LINGO3: variants seen among roughly 807,000 people sequenced by gnomAD.
The protein encoded by LINGO3 is leucine-rich repeat and immunoglobulin-like domain-containing nogo receptor-interacting protein 3.
For missense variants in LINGO3, 750 were observed against 867.7 expected (o/e 0.86, Z 1.70); for synonymous variants, 427 against 444.2 (o/e 0.96, Z 0.49).
chr19:2,290,551 A>C lies in LINGO3; in HGVS notation c.1226T>G (p.Ile409Ser), dbSNP rs1204545909. ...GACGCGCTGCAGCCGCCGCTCCCGG[A>C]TCTTGGGTTTGCGGCACACGAAGTA... Residue 409 changes from isoleucine (I) to serine (S), a missense_variant, in exon 1 of 1, where the codon ATC becomes AGC. Physicochemically the swap from Ile to Ser is moderately radical, Grantham distance 142. Coordinates refer to ENST00000585527, the Ensembl canonical transcript of LINGO3. The surrounding 1 kb of genome is among the most constrained non-coding windows in gnomAD (Gnocchi z 6.0). The C allele has an allele frequency of 1.3e-6, 2 of 1,540,812 alleles. No homozygotes were observed. Among genetic ancestry groups the C allele is most frequent in the African/African-American group, 1.4e-5 (1 of 72,362 alleles).
Position 2,290,240 on chromosome 19 carries a change from C to G in LINGO3, c.1537G>C (p.Glu513Gln), listed in dbSNP as rs778666351. The G allele has an allele frequency of 1.9e-6, 3 of 1,604,464 alleles. No individual in the cohort carries two copies. Among genetic ancestry groups the G allele is most frequent in the South Asian group, 1.1e-5 (1 of 90,712 alleles). The change falls in exon 1 of 1, where the codon GAG becomes CAG. Residue 513 changes from glutamate to glutamine, a missense_variant. Physicochemically the swap from Glu to Gln is conservative, Grantham distance 29 (BLOSUM62 2). Coordinates refer to ENST00000585527, the Ensembl canonical transcript of LINGO3. The surrounding 1 kb of genome is among the most constrained non-coding windows in gnomAD (Gnocchi z 6.0). ...GGCGCGCGCAGGGCCGCCAGCGTCT[C>G]GTTGTGGGCCTCGCCCGGGGTCCGG...
chr19:2,299,458 C>T, the LINGO3 span, among the ~76,000 whole-genome samples: 1 of 151,694 alleles, frequency 6.6e-6, no homozygotes, highest in Non-Finnish European at 1.5e-5. Flanking sequence ...GAGTCTCGCT[C>T]TGTCGCCCAG....
the LINGO3 span, among the ~76,000 whole-genome samples, chr19:2,304,845 C>G: frequency 1.0e-4 from 15 of 149,670 alleles, no homozygotes; most frequent in East Asian, 2.2e-3. Context: ...GAAGCTGGAA[C>G]TACAGGCATG....
the LINGO3 span, among the ~76,000 whole-genome samples, chr19:2,306,649 A>G: frequency 1.3e-5 from 2 of 152,240 alleles, no homozygotes; most frequent in African/African-American, 2.4e-5. Flanking sequence ...ATCTCATTTA[A>G]TCCCATGTGG....
At chr19:2,304,407 C>A in the LINGO3 span, among the ~76,000 whole-genome samples, 1 of 152,116 alleles carries the variant, frequency 6.6e-6, no homozygotes, top group Non-Finnish European at 1.5e-5. Flanking sequence ...GGTTCTAATC[C>A]CCGGAACTGC....
At chr19:2,303,889 C>T in the LINGO3 span, among the ~76,000 whole-genome samples, 1 of 152,244 alleles carries the variant, frequency 6.6e-6, no homozygotes, top group Non-Finnish European at 1.5e-5. Context: ...ACTCACGGGT[C>T]CTCACCTGAA....
the LINGO3 span, among the ~76,000 whole-genome samples, chr19:2,303,674 C>T: frequency 6.6e-6 from 1 of 152,200 alleles, no homozygotes; most frequent in African/African-American, 2.4e-5. Flanking sequence ...CGTGGTCCGA[C>T]CCCAGGTCGC....
In LINGO3 at chr19:2,290,407, G is replaced by A. The variant is rs1476817542; in HGVS notation, c.1370C>T (p.Ala457Val). Residue 457 changes from alanine to valine, a missense_variant, in exon 1 of 1, where the codon GCG becomes GTG. By Grantham distance (64) the Ala-to-Val change is moderately conservative (BLOSUM62 0). Transcript: ENST00000585527. This position sits in a 1 kb window ranked among gnomAD's most constrained non-coding sequence, Gnocchi z 6.0. The stretch of plus-strand genomic sequence containing the variant: ...CAGCGTCCCCCCGGGGAGCACGCGC[G>A]CCCGGCCCGCGCTGGTGGCCGTCAC... 16 of 1,428,708 alleles carry A rather than the reference G, an allele frequency of 1.1e-5. No homozygotes were observed. Among genetic ancestry groups the A allele is most frequent in the East Asian group, 3.0e-5 (1 of 33,672 alleles). 88.5% of individuals were successfully genotyped at this position (1,428,708 alleles called of 1,614,324 possible).
chr19:2,291,059 C>T, exon 1 of LINGO3: 1 of 1,610,116 alleles, frequency 6.2e-7, no homozygotes, highest in Non-Finnish European at 8.5e-7. Flanking sequence ...AGGCTGCCCG[C>T]CGCCACCTCC....
At chr19:2,306,902 G>A in the LINGO3 span, among the ~76,000 whole-genome samples, 1 of 152,130 alleles carries the variant, frequency 6.6e-6, no homozygotes, top group Non-Finnish European at 1.5e-5. Context: ...AGAACAGCCA[G>A]GGTAAGGCCA....
At chr19:2,294,141 A>G (rs1446808623), upstream of LINGO3, among the ~76,000 whole-genome samples, 1 of 152,194 alleles carries the variant, frequency 6.6e-6, no homozygotes, top group Non-Finnish European at 1.5e-5. This position sits in a 1 kb window ranked among gnomAD's most constrained non-coding sequence, Gnocchi z 4.3. Context: ...AGATGTGCTC[A>G]GGGCTAGATG....
upstream of LINGO3, chr19:2,292,088 T>C (rs2025530444): frequency 5.5e-6 from 2 of 361,738 alleles, no homozygotes; most frequent in Non-Finnish European, 5.3e-6. Flanking sequence ...CTCAGGAGGC[T>C]GAGGCAGGAG....
At chr19:2,292,809 T>C (rs1222619524), upstream of LINGO3, among the ~76,000 whole-genome samples, 1 of 151,790 alleles carries the variant, frequency 6.6e-6, no homozygotes, top group Non-Finnish European at 1.5e-5. Context: ...TGTCTTTGCA[T>C]AAGAGAATGG....
chr19:2,290,304 G>C lies in LINGO3; in HGVS notation c.1473C>G (p.Tyr491Ter). The change falls in exon 1 of 1, where the codon TAC becomes TAG. Residue 491 changes from tyrosine to a stop codon, truncating the protein, a stop_gained. Transcript: ENST00000585527. LOFTEE classifies it low-confidence loss of function (END_TRUNC). The surrounding 1 kb of genome is among the most constrained non-coding windows in gnomAD (Gnocchi z 6.0). ...CGGGGCGCACGGTCAGCGTGGCGAA[G>C]TAGGTGTCGTTGCCGCCCGCGTTGC... 1 of 1,573,426 alleles carries C rather than the reference G, an allele frequency of 6.4e-7. No individual in the cohort carries two copies. Among genetic ancestry groups the C allele is most frequent in the Non-Finnish European group, 8.6e-7 (1 of 1,165,768 alleles).
chr19:2,300,140 T>C, the LINGO3 span, among the ~76,000 whole-genome samples: 1 of 150,790 alleles, frequency 6.6e-6, no homozygotes, highest in Non-Finnish European at 1.5e-5. Context: ...CAAGGGAGTC[T>C]CCTGCCTCAG....
chr19:2,290,771 T>G lies in LINGO3; in HGVS notation c.1006A>C (p.Ser336Arg), dbSNP rs2025510561. 22 of 1,612,364 alleles carry G rather than the reference T, an allele frequency of 1.4e-5. No individual in the cohort carries two copies. The highest frequency in any genetic ancestry group is 1.9e-5 in the Non-Finnish European group (22 of 1,179,580). ...AGCGTGTTCACCGAGTGGAAGGTGCTCTCCTCCAACGTGGAGAGCAGGTTG... is the reference window on the plus strand; with the variant it reads ...AGCGTGTTCACCGAGTGGAAGGTGCGCTCCTCCAACGTGGAGAGCAGGTTG... The change falls in exon 1 of 1, where the codon AGC (serine) becomes CGC (arginine). Residue 336 changes from serine (S) to arginine (R), a missense_variant. Coordinates refer to ENST00000585527, the Ensembl canonical transcript of LINGO3. The surrounding 1 kb of genome is among the most constrained non-coding windows in gnomAD (Gnocchi z 6.0).
At chr19:2,295,179 G>A (rs1449574308), upstream of LINGO3, among the ~76,000 whole-genome samples, 1 of 152,194 alleles carries the variant, frequency 6.6e-6, no homozygotes, top group Non-Finnish European at 1.5e-5. Flanking sequence ...AATTCATTAA[G>A]ATGAGGTCAC....
chr19:2,297,048 C>A, the LINGO3 span, among the ~76,000 whole-genome samples: 69 of 151,264 alleles, frequency 4.6e-4, 1 homozygote, highest in South Asian at 0.014. Context: ...GCTGAGATCA[C>A]GCCACTGCAC....
chr19:2,295,157 T>C (rs10417583), upstream of LINGO3, among the ~76,000 whole-genome samples: 1 of 152,084 alleles, frequency 6.6e-6, no homozygotes, highest in Admixed American at 6.6e-5. Context: ...AGGGTTTGTA[T>C]CTTGCAGCTG....
Sources: allele counts gnomAD v4.1 joint callset (sites outside exome capture counted in the v4.1 genomes callset), GRCh38; gene constraint gnomAD v4.1.1; non-coding constraint Gnocchi (gnomAD v3.1); transcripts MANE v1.5; gene names NCBI Gene and HGNC (gene_info 2026-07-23, HGNC 2026-07-21).